GPR158: variants seen among roughly 807,000 people sequenced by gnomAD.
GPR158 encodes the protein metabotropic glycine receptor.
Under a neutral mutation model 78.2 loss-of-function variants are expected in GPR158, and 30 were observed. The observed-to-expected ratio is 0.38, with a 90% CI of 0.29 to 0.52. The LOEUF (loss-of-function observed/expected upper bound fraction) is 0.52, where lower values mean the gene tolerates loss of function less well. Among genes scored for constraint, GPR158 ranks in the 20% least tolerant of loss-of-function variants. The probability of loss-of-function intolerance (pLI) is 0.83; values close to 1 mark genes in which losing one functional copy is unlikely to be tolerated. For synonymous variants in GPR158, 581 were observed against 591.1 expected (o/e 0.98, Z 0.25); for missense variants, 1,463 against 1,523.5 (o/e 0.96, Z 0.66).
chr10:25,285,982 A>G (rs1854346342), intron 2 of GPR158, among the ~76,000 whole-genome samples: 1 of 152,064 alleles, frequency 6.6e-6, no homozygotes, highest in African/African-American at 2.4e-5. Flanking sequence ...AGTGCTTCTT[A>G]TTGGAAGTCT....
chr10:25,443,519 C>T (rs1835096571), intron 4 of GPR158, among the ~76,000 whole-genome samples: 2 of 148,150 alleles, frequency 1.3e-5, no homozygotes, highest in South Asian at 4.3e-4. Context: ...CGGACCACTG[C>T]ACTCCAGCCT....
At chr10:25,436,295 C>T (rs1207358449) in intron 4 of GPR158, among the ~76,000 whole-genome samples, 1 of 152,108 alleles carries the variant, frequency 6.6e-6, no homozygotes, top group Admixed American at 6.5e-5. Context: ...TAATGGTTAA[C>T]CTGTCTATGA....
In GPR158 at chr10:25,293,266, G is replaced by T. The variant is rs144104370; in HGVS notation, c.1008+72109G>T. ...ATCTGTAGGTGGAAAAACCTTTGTT[G>T]TAACATGGTTACTTACTATATGGAG... On this transcript the variant is annotated intron_variant, in intron 2 of 10. Transcript: ENST00000376351. Among the ~76,000 whole-genome samples the T allele has an allele frequency of 1.2e-3, 188 of 152,230 alleles. 1 individual carries two copies. The highest frequency in any genetic ancestry group is 4.0e-3 in the African/African-American group (168 of 41,542).
At chr10:25,261,118 C>T (rs1184504533) in intron 2 of GPR158, among the ~76,000 whole-genome samples, 4 of 152,100 alleles carry the variant, frequency 2.6e-5, no homozygotes, top group Admixed American at 6.5e-5. Flanking sequence ...TCCTGATGCT[C>T]GGGCCACAGT....
At chr10:25,344,333 C>G (rs1256523493) in intron 2 of GPR158, among the ~76,000 whole-genome samples, 1 of 151,448 alleles carries the variant, frequency 6.6e-6, no homozygotes, top group East Asian at 1.9e-4. Flanking sequence ...TATATGTATA[C>G]ATTGTGAAAT....
intron 4 of GPR158, among the ~76,000 whole-genome samples, chr10:25,455,248 G>C (rs149477383): frequency 9.9e-5 from 15 of 152,192 alleles, no homozygotes; most frequent in African/African-American, 3.6e-4. Flanking sequence ...GTTAGAAAGA[G>C]GTTTAGTCTG....
chr10:25,316,341 G>T (rs987231044), intron 2 of GPR158, among the ~76,000 whole-genome samples: 1 of 152,088 alleles, frequency 6.6e-6, no homozygotes, highest in Non-Finnish European at 1.5e-5. Flanking sequence ...GAGTTCCTAG[G>T]CCAATAAATA....
intron 2 of GPR158, among the ~76,000 whole-genome samples, chr10:25,323,874 C>A (rs976962338): frequency 3.9e-5 from 6 of 152,168 alleles, no homozygotes; most frequent in African/African-American, 7.2e-5. Flanking sequence ...GCACTTGCTG[C>A]TTCACCTTGC....
intron 5 of GPR158, among the ~76,000 whole-genome samples, chr10:25,478,648 A>AT (rs975859974): frequency 1.4e-4 from 21 of 151,456 alleles, no homozygotes; most frequent in Admixed American, 4.0e-4. Flanking sequence ...TCACTTTTTA[A>AT]TTTTTTTTTA....
chr10:25,403,944 A>C (rs1834478286), intron 3 of GPR158, among the ~76,000 whole-genome samples: 1 of 152,012 alleles, frequency 6.6e-6, no homozygotes, highest in African/African-American at 2.4e-5. Flanking sequence ...GTATAAAGAG[A>C]TACATCTATA....
intron 5 of GPR158, among the ~76,000 whole-genome samples, chr10:25,495,984 C>T (rs74496120): frequency 0.064 from 9,659 of 151,892 alleles, 370 homozygotes; most frequent in East Asian, 0.12. Flanking sequence ...TTCTCAACCC[C>T]CTAAATGCAG....
intron 5 of GPR158, among the ~76,000 whole-genome samples, chr10:25,512,305 A>C (rs939051798): frequency 3.3e-5 from 5 of 152,040 alleles, no homozygotes; most frequent in African/African-American, 9.7e-5. Flanking sequence ...TCATAAAGGC[A>C]GTCGAATTCT....
intron 7 of GPR158, among the ~76,000 whole-genome samples, chr10:25,574,513 C>T (rs953854898): frequency 5.9e-5 from 9 of 152,018 alleles, no homozygotes; most frequent in Admixed American, 2.6e-4. Context: ...AACTCAGGAA[C>T]CTTTTATAAA....
chr10:25,385,087 A>G (rs1263539726), intron 2 of GPR158, among the ~76,000 whole-genome samples: 1 of 152,144 alleles, frequency 6.6e-6, no homozygotes, highest in Non-Finnish European at 1.5e-5. Context: ...ATGTTGCAAA[A>G]TGGAAACTCT....
intron 2 of GPR158, among the ~76,000 whole-genome samples, chr10:25,364,715 C>T (rs1429723352): frequency 6.6e-6 from 1 of 151,764 alleles, no homozygotes. Flanking sequence ...AAAAATCTGT[C>T]TTATTAAAGT....
intron 2 of GPR158, among the ~76,000 whole-genome samples, chr10:25,387,897 A>G (rs935584414): frequency 6.6e-6 from 1 of 152,180 alleles, no homozygotes; most frequent in African/African-American, 2.4e-5. Context: ...CATTGAAGAC[A>G]TCTGGTTATG....
intron 2 of GPR158, among the ~76,000 whole-genome samples, chr10:25,339,164 T>C (rs556597658): frequency 6.6e-6 from 1 of 152,024 alleles, no homozygotes; most frequent in Admixed American, 6.6e-5. Context: ...TTAAAATTTA[T>C]TTTATACAGA....
intron 5 of GPR158, among the ~76,000 whole-genome samples, chr10:25,491,208 A>C (rs2130647515): frequency 6.6e-6 from 1 of 152,266 alleles, no homozygotes; most frequent in South Asian, 2.1e-4. Flanking sequence ...TTGCTCACCC[A>C]GTATTACTCT....
intron 6 of GPR158, among the ~76,000 whole-genome samples, chr10:25,571,656 T>TA (rs1441801319): frequency 2.0e-5 from 3 of 152,136 alleles, no homozygotes; most frequent in African/African-American, 7.2e-5. Context: ...GATAGGGAGT[T>TA]AAAATCAGCC....
Sources: gnomAD v4.1 joint callset for allele counts (sites outside exome capture counted in the v4.1 genomes callset) on GRCh38, gnomAD v4.1.1 for gene constraint, MANE v1.5 for transcripts, NCBI Gene and HGNC (gene_info 2026-07-23, HGNC 2026-07-21) for gene names.